Variants in OPRM1 observed in about 807,000 individuals in gnomAD.
OPRM1 encodes the protein mu-type opioid receptor.
Under a neutral mutation model 31.8 loss-of-function variants are expected in OPRM1, and 27 were observed. The observed-to-expected ratio is 0.85, with a 90% CI of 0.63 to 1.17. The LOEUF (loss-of-function observed/expected upper bound fraction) is 1.17. OPRM1 is among the 50% of genes most tolerant of loss of function. The probability of loss-of-function intolerance (pLI) is 0.00; values close to 1 mark genes in which losing one functional copy is unlikely to be tolerated. For missense variants in OPRM1, 536 were observed against 511.1 expected, an observed-to-expected ratio of 1.05 and a Z score of -0.47; for synonymous variants, 196 against 189.9, an observed-to-expected ratio of 1.03 and a Z score of -0.26.
Position 154,121,340 on chromosome 6 carries a change from G to A in OPRM1, c.*2619G>A, listed in dbSNP as rs147528429. Among the ~76,000 whole-genome samples, 1 of 152,134 alleles carries A rather than the reference G, an allele frequency of 6.6e-6. No individual in the cohort carries two copies. Among genetic ancestry groups the A allele is most frequent in the African/African-American group, 2.4e-5 (1 of 41,476 alleles). On this transcript the variant is annotated 3_prime_UTR_variant, in exon 4 of 4. Coordinates refer to ENST00000330432, the MANE Select transcript of OPRM1 (RefSeq NM_000914.5). ...TTTGCTCCTTCATCCCTCTTTCCTT[G>A]CCAATCATTAGAAAGGAAAGAAGAG...
rs1295595463 is a variant in OPRM1 at position 154,126,660 on chromosome 6, CT to C, written c.*7940del. The stretch of plus-strand genomic sequence containing the variant: ...AGAATCAGCTGGTGCCTCTTTTCAT[CT>C]GCAGGGTAGATTTGGCTTCCATGGT... On this transcript the variant is annotated 3_prime_UTR_variant, in exon 4 of 4. Coordinates refer to ENST00000330432, the MANE Select transcript of OPRM1 (RefSeq NM_000914.5). 6.6e-6 allele frequency among the ~76,000 whole-genome samples: 1 copy of C among 152,104 alleles called. No individual in the cohort carries two copies. The highest frequency in any genetic ancestry group is 1.5e-5 in the Non-Finnish European group (1 of 68,026).
chr6:154,224,180 TTTGAAAATACAATC>T (rs1779075750), intron 3 of OPRM1, among the ~76,000 whole-genome samples: 1 of 152,216 alleles, frequency 6.6e-6, no homozygotes, highest in Non-Finnish European at 1.5e-5. Context: ...AAAAATGGAT[TTTGAAAATACAATC>T]TTAATTTTAC....
intron 3 of OPRM1, among the ~76,000 whole-genome samples, chr6:154,201,158 CTG>C (rs1777038951): frequency 6.6e-6 from 1 of 152,200 alleles, no homozygotes; most frequent in African/African-American, 2.4e-5. Context: ...CCATGTGGAA[CTG>C]TGAGTCAATT....
upstream of OPRM1, among the ~76,000 whole-genome samples, chr6:154,036,957 T>C (rs1439897696): frequency 6.6e-6 from 1 of 151,902 alleles, no homozygotes; most frequent in Non-Finnish European, 1.5e-5. Flanking sequence ...AGGAACCTTA[T>C]TACGGAGTAC....
intron 1 of OPRM1, among the ~76,000 whole-genome samples, chr6:154,055,620 T>C (rs1783116534): frequency 6.6e-6 from 1 of 152,178 alleles, no homozygotes. Flanking sequence ...TTTGCATGAG[T>C]ATCACTGTTT....
chr6:154,100,324 C>T (rs1264301984), intron 3 of OPRM1, among the ~76,000 whole-genome samples: 1 of 144,996 alleles, frequency 6.9e-6, no homozygotes, highest in Non-Finnish European at 1.5e-5. Flanking sequence ...CTCATGCAAG[C>T]CCAGTCATCC....
In OPRM1 at chr6:154,123,710, AC is replaced by A. The variant is rs1307667933; in HGVS notation, c.*4991del. On this transcript the variant is annotated 3_prime_UTR_variant, in exon 4 of 4. Coordinates refer to ENST00000330432, the MANE Select transcript of OPRM1 (RefSeq NM_000914.5). ...AACTGAGGGTTCTTCCCCTTTTAAG[AC>A]CGCATAGGGCAACTTCCTGACATTG... is the stretch of plus-strand genomic sequence containing the variant. Among the ~76,000 whole-genome samples the A allele has an allele frequency of 1.3e-5, 2 of 152,176 alleles. No homozygotes were observed. The highest frequency in any genetic ancestry group is 1.3e-4 in the Admixed American group (2 of 15,272).
At chr6:154,156,789 A>G (rs1244613689) in intron 3 of OPRM1, 1 of 152,134 alleles carries the variant, frequency 6.6e-6, no homozygotes, top group Non-Finnish European at 1.5e-5. Context: ...CAGAGTGTCT[A>G]TTTGCAATAT....
intron 3 of OPRM1, among the ~76,000 whole-genome samples, chr6:154,154,330 ATTCTT>A (rs1467666647): frequency 1.3e-5 from 2 of 152,236 alleles, no homozygotes. Flanking sequence ...AATTTTAAAA[ATTCTT>A]TAAACAAAAT....
At chr6:154,045,604 C>G (rs1780965518) in intron 1 of OPRM1, among the ~76,000 whole-genome samples, 1 of 152,220 alleles carries the variant, frequency 6.6e-6, no homozygotes, top group South Asian at 2.1e-4. Context: ...TGTTTCATAT[C>G]CTTCTCGTGC....
exon 1 of OPRM1, chr6:154,010,926 T>G (rs1334723929): frequency 2.3e-6 from 3 of 1,304,798 alleles, no homozygotes; most frequent in African/African-American, 1.5e-5. Flanking sequence ...TCAAAATGTT[T>G]CCTGGAAACC....
chr6:154,100,627 T>C (rs1204605592), intron 3 of OPRM1, among the ~76,000 whole-genome samples: 1 of 151,610 alleles, frequency 6.6e-6, no homozygotes, highest in East Asian at 1.9e-4. Context: ...TATAGAAAAA[T>C]AATGTGAGCA....
intron 3 of OPRM1, among the ~76,000 whole-genome samples, chr6:154,182,040 CTTAAAA>C (rs1283657276): frequency 6.6e-6 from 1 of 151,952 alleles, no homozygotes; most frequent in Non-Finnish European, 1.5e-5. Flanking sequence ...TATCCCAGAA[CTTAAAA>C]TTAAATTAAA....
intron 3 of OPRM1, among the ~76,000 whole-genome samples, chr6:154,190,025 A>C (rs535537087): frequency 6.6e-6 from 1 of 152,304 alleles, no homozygotes; most frequent in Admixed American, 6.5e-5. Flanking sequence ...ATTAAATAAA[A>C]ATAAACTATA....
At chr6:154,065,482 C>T (rs1021156340) in intron 1 of OPRM1, among the ~76,000 whole-genome samples, 7 of 152,040 alleles carry the variant, frequency 4.6e-5, no homozygotes, top group Non-Finnish European at 7.4e-5. Flanking sequence ...CATCTTTCAC[C>T]TCCTTGGTTA....
intron 3 of OPRM1, among the ~76,000 whole-genome samples, chr6:154,214,691 A>C (rs1464246339): frequency 1.3e-5 from 2 of 152,242 alleles, no homozygotes; most frequent in African/African-American, 4.8e-5. Flanking sequence ...TTTAGAAAAA[A>C]TGTACGAAAA....
chr6:154,091,798 A>G, intron 3 of OPRM1: 1 of 1,040,628 alleles, frequency 9.6e-7, no homozygotes, highest in Non-Finnish European at 1.2e-6. Flanking sequence ...AATCCTTTTC[A>G]TTTTCCCCAG....
At chr6:154,142,120 G>T (rs1453941011) in intron 3 of OPRM1, among the ~76,000 whole-genome samples, 2 of 53,082 alleles carry the variant, frequency 3.8e-5, no homozygotes, top group African/African-American at 1.3e-4. Context: ...CCAACCTCTG[G>T]CCGTCTCTGC....
rs1798273029 is a variant in OPRM1, at chr6:154,143,424, G to A, written c.1164+51952G>A. On this transcript the variant is annotated intron_variant, in intron 3 of 3. Coordinates refer to the OPRM1 transcript ENST00000337049. ...TTCATCTACATTTATTAAAATTATT[G>A]GTCATGATGTAATTTGACAATGAAT... Among the ~76,000 whole-genome samples, 3 of 152,156 alleles carry A rather than the reference G, an allele frequency of 2.0e-5. No individual in the cohort carries two copies. The East Asian group carries it at 5.8e-4, about 29-fold the overall frequency.
Sources: gnomAD v4.1 joint callset for allele counts (sites outside exome capture counted in the v4.1 genomes callset) on GRCh38, gnomAD v4.1.1 for gene constraint, MANE v1.5 for transcripts, NCBI Gene and HGNC (gene_info 2026-07-23, HGNC 2026-07-21) for gene names.